The following ELOVL6 variants were observed in gnomAD, a reference collection of about 807,000 sequenced individuals.
ELOVL6 encodes the protein ELOVL fatty acid elongase 6, also known as very long chain fatty acid elongase 6.
A neutral mutation model predicts 31.7 loss-of-function variants in ELOVL6; 8 were observed. That is an observed-to-expected ratio of 0.25 (90% CI 0.15 to 0.45). The LOEUF is 0.45. Among genes scored for constraint, ELOVL6 ranks in the 20% least tolerant of loss-of-function variants. ELOVL6 has a pLI of 1.00. For missense variants in ELOVL6, 126 were observed against 326.4 expected (o/e 0.39, Z 4.73); for synonymous variants, 101 against 117.7 (o/e 0.86, Z 0.92).
At position 110,081,813 on chromosome 4, in the gene ELOVL6, A is replaced by G. The variant is rs966781144; in HGVS notation, c.222-22059T>C. On this transcript the variant is annotated intron_variant, in intron 2 of 3. Transcript: ENST00000302274. ...CCATCAGAGTGAACAGGCAACCTAC[A>G]AAATGGGAGAAAATTTTTGCAATCT... Among the ~76,000 whole-genome samples, 620 of 147,266 alleles carry G rather than the reference A, an allele frequency of 4.2e-3. 8 individuals are homozygous for G. The highest frequency in any genetic ancestry group is 0.015 in the African/African-American group (593 of 40,402).
chr4:110,077,908 C>T (rs1755697904), intron 2 of ELOVL6, among the ~76,000 whole-genome samples: 1 of 152,144 alleles, frequency 6.6e-6, no homozygotes, highest in Non-Finnish European at 1.5e-5. Flanking sequence ...CCTGATGGAG[C>T]TGAAAACCAA....
intron 1 of ELOVL6, among the ~76,000 whole-genome samples, chr4:110,110,080 C>T (rs1482469): frequency 0.34 from 51,109 of 151,968 alleles, 9,521 homozygotes; most frequent in East Asian, 0.71. Flanking sequence ...GGTGCACCCC[C>T]CTCCTCTTTT....
Position 110,084,448 on chromosome 4 carries a change from G to GCATATAT in ELOVL6, c.221+21042_221+21048dup, listed in dbSNP as rs750150480. ...TCACATATATCATATATGATATATC[G>GCATATAT]CATATATCATATATGATATATAACA... On this transcript the variant is annotated intron_variant, in intron 2 of 3. Transcript: ENST00000302274. 7.8e-3 allele frequency among the ~76,000 whole-genome samples: 250 copies of GCATATAT among 31,982 alleles called. 28 individuals carry two copies. Among genetic ancestry groups the GCATATAT allele is most frequent in the African/African-American group, 0.039 (160 of 4,142 alleles). 21.0% of individuals were successfully genotyped at this position (31,982 alleles called of 152,430 possible).
intron 1 of ELOVL6, among the ~76,000 whole-genome samples, chr4:110,141,212 A>T (rs960271151): frequency 5.9e-5 from 9 of 152,028 alleles, no homozygotes; most frequent in Non-Finnish European, 1.0e-4. Flanking sequence ...TACAGGCATG[A>T]GCCACCACAC....
At chr4:110,111,530 G>T (rs537239454) in intron 1 of ELOVL6, among the ~76,000 whole-genome samples, 277 of 151,972 alleles carry the variant, frequency 1.8e-3, no homozygotes, top group African/African-American at 6.4e-3. Flanking sequence ...AATGAAAAAA[G>T]GATCCTTATG....
At chr4:110,071,196 C>A (rs1444091579) in intron 2 of ELOVL6, among the ~76,000 whole-genome samples, 2 of 152,182 alleles carry the variant, frequency 1.3e-5, no homozygotes, top group Non-Finnish European at 2.9e-5. Flanking sequence ...CAGTTCCTTC[C>A]TTTGGGTTCA....
At chr4:110,133,784 G>A (rs1757735167) in intron 1 of ELOVL6, among the ~76,000 whole-genome samples, 1 of 152,070 alleles carries the variant, frequency 6.6e-6, no homozygotes, top group South Asian at 2.1e-4. Context: ...GTATTTCTAA[G>A]ACCTGACTAA....
intron 1 of ELOVL6, among the ~76,000 whole-genome samples, chr4:110,147,654 G>C (rs1002215562): frequency 6.6e-6 from 1 of 151,180 alleles, no homozygotes; most frequent in South Asian, 2.1e-4. Flanking sequence ...AACTGGGTAT[G>C]GTGGTGTGTG....
chr4:110,081,451 C>T (rs1219885517), intron 2 of ELOVL6, among the ~76,000 whole-genome samples: 8 of 152,068 alleles, frequency 5.3e-5, no homozygotes, highest in Non-Finnish European at 8.8e-5. Context: ...TATCTACAAC[C>T]ATCTGATATT....
intron 1 of ELOVL6, among the ~76,000 whole-genome samples, chr4:110,128,057 G>T (rs1314965261): frequency 6.7e-6 from 1 of 149,774 alleles, no homozygotes; most frequent in African/African-American, 2.5e-5. Flanking sequence ...AAAAAAAAAA[G>T]TAAAAAGTGA....
rs1020885217 is a variant in ELOVL6, at chr4:110,047,357, T to C, written c.*3981A>G. The C allele has an allele frequency of 2.8e-5, 4 of 144,706 alleles. No individual in the cohort carries two copies. Among genetic ancestry groups the C allele is most frequent in the African/African-American group, 7.6e-5 (3 of 39,634 alleles). 9.0% of individuals were successfully genotyped at this position (144,706 alleles called of 1,614,324 possible). On this transcript the variant is annotated 3_prime_UTR_variant, in exon 4 of 4. Transcript: ENST00000302274. ...GGAAACCAAAAAAAAAAAAAAGCCC[T>C]CAGAATATGCCCTAGCTGCCTCGGT...
intron 2 of ELOVL6, among the ~76,000 whole-genome samples, chr4:110,078,487 C>T (rs1434868772): frequency 6.6e-6 from 1 of 152,162 alleles, no homozygotes; most frequent in Non-Finnish European, 1.5e-5. Flanking sequence ...TCCAGCCAAA[C>T]TAAGCTTCAT....
chr4:110,167,653 TTATG>T (rs33925081), intron 1 of ELOVL6, among the ~76,000 whole-genome samples: 44,982 of 139,042 alleles, frequency 0.32, 7,418 homozygotes, highest in South Asian at 0.37. Flanking sequence ...ACCACCTCAG[TTATG>T]TATGTATGTA....
At chr4:110,094,365 C>A (rs1477983842) in intron 2 of ELOVL6, among the ~76,000 whole-genome samples, 1 of 130,808 alleles carries the variant, frequency 7.6e-6, no homozygotes, top group African/African-American at 2.9e-5. Context: ...CCAGCCTGGA[C>A]AACACAGTGA....
In ELOVL6 at chr4:110,133,941, T is replaced by C. The variant is rs571680602; in HGVS notation, c.90-28313A>G. Among the ~76,000 whole-genome samples the C allele has an allele frequency of 2.6e-5, 4 of 152,280 alleles. No individual in the cohort carries two copies. In the South Asian group the frequency reaches 8.3e-4, roughly 32 times the overall value. ...TTTACATACGTTTAGAAAAGTAGAA[T>C]AATAATATCCATAACGCTTTAACGC... On this transcript the variant is annotated intron_variant, in intron 1 of 3. Coordinates refer to ENST00000302274, the MANE Select transcript of ELOVL6 (RefSeq NM_024090.3).
At chr4:110,161,184 T>C (rs1011729960) in intron 1 of ELOVL6, among the ~76,000 whole-genome samples, 4 of 152,084 alleles carry the variant, frequency 2.6e-5, no homozygotes, top group African/African-American at 7.2e-5. Flanking sequence ...GCCTGAACAA[T>C]ATAGAATGCA....
In ELOVL6 at chr4:110,158,635, G is replaced by GTATA. The variant is rs780807092; in HGVS notation, c.89+39608_89+39611dup. Among the ~76,000 whole-genome samples, 170 of 81,546 alleles carry GTATA rather than the reference G, an allele frequency of 2.1e-3. 4 individuals carry two copies. The highest frequency in any genetic ancestry group is 0.013 in the Middle Eastern group (2 of 152). The allele number at this position is 81,546 out of a possible 152,430, so 53.5% of individuals were successfully genotyped here. A position where few individuals can be genotyped will look rare whatever the true frequency, so the allele number is the denominator to read the frequency against. ...TATATACACACACATATATACACGT[G>GTATA]TATATATATATATATATATATATTT... On this transcript the variant is annotated intron_variant, in intron 1 of 3. Transcript: ENST00000302274.
chr4:110,193,782 CACCAAGGGAGT>C (rs1759696000), intron 1 of ELOVL6, among the ~76,000 whole-genome samples: 1 of 152,020 alleles, frequency 6.6e-6, no homozygotes, highest in African/African-American at 2.4e-5. Context: ...CCTTTTACAC[CACCAAGGGAGT>C]GAGTGGGGAG....
intron 1 of ELOVL6, among the ~76,000 whole-genome samples, chr4:110,160,439 C>T (rs1359096365): frequency 6.6e-6 from 1 of 152,154 alleles, no homozygotes; most frequent in Non-Finnish European, 1.5e-5. Context: ...TATGTATATA[C>T]AAACTATAAT....
Sources: allele counts gnomAD v4.1 joint callset (sites outside exome capture counted in the v4.1 genomes callset), GRCh38; gene constraint gnomAD v4.1.1; transcripts MANE v1.5; gene names NCBI Gene and HGNC (gene_info 2026-07-23, HGNC 2026-07-21).